MEF2D: variants seen among roughly 807,000 people sequenced by gnomAD.
The protein encoded by MEF2D is myocyte-specific enhancer factor 2D.
Under a neutral mutation model 59.3 loss-of-function variants are expected in MEF2D, and 10 were observed. The ratio of observed to expected loss-of-function variants is 0.17; its 90% CI spans 0.10 to 0.29. MEF2D has a LOEUF of 0.29. Ranked by LOEUF, MEF2D falls within the 10% of genes least tolerant of loss-of-function variation. The probability of loss-of-function intolerance (pLI) is 1.00; values close to 1 mark genes in which losing one functional copy is unlikely to be tolerated. For synonymous variants in MEF2D, 305 were observed against 295.0 expected, an observed-to-expected ratio of 1.03 and a Z score of -0.35; for missense variants, 508 against 699.4, an observed-to-expected ratio of 0.73 and a Z score of 3.09.
intron 1 of MEF2D, among the ~76,000 whole-genome samples, chr1:156,499,946 C>T (rs1213238756): frequency 6.6e-6 from 1 of 152,022 alleles, no homozygotes; most frequent in Non-Finnish European, 1.5e-5. Context: ...GAACAACATC[C>T]CCCCTCCCTC....
chr1:156,494,430 G>A (rs779400562), intron 1 of MEF2D, among the ~76,000 whole-genome samples: 1 of 152,144 alleles, frequency 6.6e-6, no homozygotes, highest in African/African-American at 2.4e-5. Flanking sequence ...GGCAAGACTC[G>A]TGGGGCTAAG....
intron 1 of MEF2D, among the ~76,000 whole-genome samples, chr1:156,491,626 T>C (rs1015340458): frequency 2.0e-5 from 3 of 152,142 alleles, no homozygotes; most frequent in South Asian, 2.1e-4. Flanking sequence ...CCTCACACAC[T>C]GGGAATGCCT....
chr1:156,483,861 G>T (rs1388880613), intron 1 of MEF2D, among the ~76,000 whole-genome samples: 1 of 152,206 alleles, frequency 6.6e-6, no homozygotes, highest in Non-Finnish European at 1.5e-5. Context: ...CCCAGTCAGT[G>T]AACAACAAGC....
chr1:156,473,421 G>A (rs962415735), intron 9 of MEF2D, among the ~76,000 whole-genome samples: 1 of 152,250 alleles, frequency 6.6e-6, no homozygotes, highest in Non-Finnish European at 1.5e-5. Flanking sequence ...AAGTTTATGA[G>A]TCTTTTGGTC....
chr1:156,498,387 C>T (rs1377640298), intron 1 of MEF2D, among the ~76,000 whole-genome samples: 1 of 152,170 alleles, frequency 6.6e-6, no homozygotes, highest in Non-Finnish European at 1.5e-5. Flanking sequence ...GATCATGAGG[C>T]TCTCTGGGTC....
At position 156,479,720 on chromosome 1, in the gene MEF2D, T is replaced by A; in HGVS notation, c.473A>T (p.Asn158Ile). 1 of 1,551,626 alleles carries A rather than the reference T, an allele frequency of 6.4e-7. No individual in the cohort carries two copies. The highest frequency in any genetic ancestry group is 8.7e-7 in the Non-Finnish European group (1 of 1,146,950). The change falls in exon 5 of 12, where the codon AAT becomes ATT. Residue 158 changes from asparagine to isoleucine, a missense_variant. Physicochemically the swap from Asn to Ile is moderately radical, Grantham distance 149. Transcript: ENST00000348159. ...AGGGGTGACCAGGGAGCCGCTGGGA[T>A]TGCTGAACTGCAGTGAGCTCTGATT... The part of the protein sequence containing the change: ...VSNQSSLQFS[N>I]PSGSLVTPSL...
At chr1:156,475,330 C>T in intron 8 of MEF2D, 93 bp from the exon 9 acceptor site, 2 of 1,452,012 alleles carry the variant, frequency 1.4e-6, no homozygotes, top group Non-Finnish European at 1.8e-6. Context: ...GTTCCTGAAT[C>T]CCAAAGCCAA....
intron 9 of MEF2D, among the ~76,000 whole-genome samples, chr1:156,472,922 G>A (rs1671324273): frequency 6.6e-6 from 1 of 152,148 alleles, no homozygotes; most frequent in Non-Finnish European, 1.5e-5. Flanking sequence ...GTGTTAGCCA[G>A]GATGGTCTCG....
chr1:156,475,811 G>T (rs571675740), intron 8 of MEF2D, among the ~76,000 whole-genome samples: 1 of 152,234 alleles, frequency 6.6e-6, no homozygotes, highest in Non-Finnish European at 1.5e-5. Flanking sequence ...CTGGCCTCCC[G>T]TCAGGGAGTT....
intron 9 of MEF2D, among the ~76,000 whole-genome samples, chr1:156,470,666 T>C (rs1227162160): frequency 6.6e-6 from 1 of 152,210 alleles, no homozygotes. Context: ...TACCTCCACT[T>C]AGGCCATGTG....
chr1:156,470,725 T>C (rs1255430399), intron 9 of MEF2D, among the ~76,000 whole-genome samples: 1 of 152,240 alleles, frequency 6.6e-6, no homozygotes, highest in Non-Finnish European at 1.5e-5. Context: ...GTAATAATCC[T>C]ACCTACATCA....
intron 2 of MEF2D, 43 bp downstream of exon 2, chr1:156,483,196 T>TC: frequency 6.3e-7 from 1 of 1,597,256 alleles, no homozygotes; most frequent in Non-Finnish European, 8.6e-7. Flanking sequence ...AGAGGCCTGC[T>TC]CCCTGCCCTC....
rs1671858482 is a variant in MEF2D, at chr1:156,479,699, G to C, written c.494C>G (p.Thr165Ser). The change falls in exon 5 of 12, where the codon ACC (threonine) becomes AGC (serine). Residue 165 changes from threonine to serine, a missense_variant. Thr to Ser is a moderately conservative substitution (Grantham distance 58, BLOSUM62 1). Coordinates refer to ENST00000348159, the MANE Select transcript of MEF2D (RefSeq NM_005920.4). ...QFSNPSGSLV[T>S]PSLVTSSLTD... is the part of the protein sequence containing the mutation. Reference sequence around the variant, plus strand: ...GAGGGATGATGTCACCAGGGAAGGGGTGACCAGGGAGCCGCTGGGATTGCT... The same window carrying C: ...GAGGGATGATGTCACCAGGGAAGGGCTGACCAGGGAGCCGCTGGGATTGCT... The C allele has an allele frequency of 1.3e-6, 2 of 1,551,794 alleles. No homozygotes were observed. The highest frequency in any genetic ancestry group is 1.7e-6 in the Non-Finnish European group (2 of 1,147,034).
chr1:156,479,870 C>T (rs1671876548), intron 4 of MEF2D, 74 bp from the exon 5 acceptor site: 1 of 1,409,584 alleles, frequency 7.1e-7, no homozygotes, highest in Non-Finnish European at 9.8e-7. Flanking sequence ...CCTGGGAGGG[C>T]AGGCAAGGGT....
intron 1 of MEF2D, among the ~76,000 whole-genome samples, chr1:156,483,647 C>G (rs1436518662): frequency 6.6e-6 from 1 of 152,224 alleles, no homozygotes; most frequent in African/African-American, 2.4e-5. Flanking sequence ...TCCCCTCGGT[C>G]ACTGCTGTCC....
In MEF2D at chr1:156,467,760, G is replaced by T. The variant is rs1416840552; in HGVS notation, c.1555-104C>A. On this transcript the variant is annotated intron_variant, in intron 11 of 11. Coordinates refer to ENST00000348159, the MANE Select transcript of MEF2D (RefSeq NM_005920.4). ...CCATAGGGCCAGGATTCTAGTGGCAGGGCCAGCTGTGAGGGGAAGAAGTCA... is the reference window on the plus strand; with the variant it reads ...CCATAGGGCCAGGATTCTAGTGGCATGGCCAGCTGTGAGGGGAAGAAGTCA... 4.9e-6 allele frequency: 6 copies of T among 1,233,902 alleles called. No individual in the cohort carries two copies. The Admixed American group carries it at 1.8e-4, about 37-fold the overall frequency. 76.4% of individuals were successfully genotyped at this position (1,233,902 alleles called of 1,614,324 possible).
At chr1:156,467,693 G>T in intron 11 of MEF2D, 37 bp from the exon 12 acceptor site, 1 of 1,350,638 alleles carries the variant, frequency 7.4e-7, no homozygotes, top group Non-Finnish European at 9.6e-7. Context: ...GGTGTGAGGG[G>T]GTGGCCCAGG....
rs5777987 is a variant in MEF2D at position 156,498,101 on chromosome 1, T to TAAAAAA, written c.-139+2379_-139+2384dup. Among the ~76,000 whole-genome samples the TAAAAAA allele has an allele frequency of 8.6e-4, 48 of 56,042 alleles. 1 individual carries two copies. Among genetic ancestry groups the TAAAAAA allele is most frequent in the African/African-American group, 3.5e-3 (45 of 12,986 alleles). 36.8% of individuals were successfully genotyped at this position (56,042 alleles called of 152,430 possible). A position where few individuals can be genotyped will look rare whatever the true frequency, so the allele number is the denominator to read the frequency against. ...CCCTATCACATCTCCCAGGAAAGAT[T>TAAAAAA]AAAAAAAAAAAAAAAAAAAAAAAAA... On this transcript the variant is annotated intron_variant, in intron 1 of 11. Transcript: ENST00000348159.
intron 1 of MEF2D, among the ~76,000 whole-genome samples, chr1:156,498,796 T>C (rs1673300065): frequency 6.6e-6 from 1 of 152,064 alleles, no homozygotes. Context: ...AGGAGCTCCA[T>C]ATAAGCTCCA....
Sources: allele counts gnomAD v4.1 joint callset (sites outside exome capture counted in the v4.1 genomes callset), GRCh38; gene constraint gnomAD v4.1.1; transcripts MANE v1.5; gene names NCBI Gene and HGNC (gene_info 2026-07-23, HGNC 2026-07-21).